Variants in RSPH10B observed in about 807,000 individuals in gnomAD.
RSPH10B encodes radial spoke head 10 homolog B.
In RSPH10B, 7 loss-of-function variants were observed where a neutral mutation model predicts 52.5. That is an observed-to-expected ratio of 0.13 (90% CI 0.08 to 0.25). The LOEUF is 0.25. RSPH10B is among the 10% of genes least tolerant of loss of function. The pLI is 1.00. For missense variants in RSPH10B, 89 were observed against 542.5 expected (o/e 0.16, Z 8.30); for synonymous variants, 28 against 193.2 (o/e 0.14, Z 7.09).
At chr7:5,942,926 A>ATTTTT (rs10616078) in intron 13 of RSPH10B, among the ~76,000 whole-genome samples, 10 of 141,044 alleles carry the variant, frequency 7.1e-5, no homozygotes, top group African/African-American at 2.3e-4. Context: ...ATATATATAT[A>ATTTTT]TTTTTTTTTA....
At chr7:5,961,518 T>A (rs1247196168) in intron 3 of RSPH10B, among the ~76,000 whole-genome samples, 54 of 85,920 alleles carry the variant, frequency 6.3e-4, no homozygotes, top group African/African-American at 2.3e-3. Flanking sequence ...TTTTTTTGTA[T>A]TTTTAGGAGA....
intron 17 of RSPH10B, 79 bp from the exon 20 acceptor site, chr7:5,928,473 A>G (rs1193242569): frequency 1.4e-5 from 22 of 1,570,356 alleles, no homozygotes; most frequent in Non-Finnish European, 1.7e-5. Context: ...TTCTCGTTCT[A>G]GCCTCCCTGG....
intron 7 of RSPH10B, among the ~76,000 whole-genome samples, chr7:5,955,090 G>T (rs547788751): frequency 7.2e-6 from 1 of 138,782 alleles, no homozygotes; most frequent in Admixed American, 7.2e-5. Flanking sequence ...ACTTGCGCCC[G>T]GGAGGCAGAG....
intron 3 of RSPH10B, among the ~76,000 whole-genome samples, chr7:5,961,533 G>C (rs1292262905): frequency 1.1e-5 from 1 of 87,324 alleles, no homozygotes; most frequent in African/African-American, 4.2e-5. Flanking sequence ...AGGAGAGACG[G>C]GGTTTTGCCA....
chr7:5,943,431 T>C, exon 13 of RSPH10B: 1 of 1,600,638 alleles, frequency 6.2e-7, no homozygotes, highest in Non-Finnish European at 8.5e-7. Flanking sequence ...TTCATGTAAC[T>C]CATAGAGTAG....
chr7:5,942,916 A>ATATATATTTAT (rs1780276485), intron 13 of RSPH10B, among the ~76,000 whole-genome samples: 1 of 119,160 alleles, frequency 8.4e-6, no homozygotes, highest in Non-Finnish European at 1.8e-5. Flanking sequence ...ATTTATTTAT[A>ATATATATTTAT]TATATATATA....
Position 5,943,455 on chromosome 7 carries a change from G to A in RSPH10B, c.1627C>T (p.Gln543Ter), listed in dbSNP as rs142698648. ...CTCATAGAGTAGAGCGTCCGCTGTTGCTCACGGAATAAATTGCCTAAAAAT... is the reference window on the plus strand; with the variant it reads ...CTCATAGAGTAGAGCGTCCGCTGTTACTCACGGAATAAATTGCCTAAAAAT... The change falls in exon 13 of 19, where the codon CAA becomes TAA. Residue 543 changes from glutamine (Q) to a stop codon, truncating the protein, a stop_gained. Coordinates refer to ENST00000337579, the Ensembl canonical transcript of RSPH10B. LOFTEE classifies it high-confidence loss of function. 1,229 of 1,584,478 alleles carry A rather than the reference G, an allele frequency of 7.8e-4. 39 individuals are homozygous for A. The African/African-American group carries it at 0.016, about 20-fold the overall frequency.
At chr7:5,927,074 G>GTGTATATATA (rs1562553356) in intron 18 of RSPH10B, among the ~76,000 whole-genome samples, 2,369 of 70,088 alleles carry the variant, frequency 0.034, 2 homozygotes, top group African/African-American at 0.063. Flanking sequence ...GTGTATATGT[G>GTGTATATATA]TGTGTGTGTG....
intron 13 of RSPH10B, among the ~76,000 whole-genome samples, chr7:5,940,923 A>AAATAAT (rs76986048): frequency 6.5e-5 from 5 of 77,216 alleles, no homozygotes; most frequent in African/African-American, 2.3e-4. Context: ...AAGACTGTCA[A>AAATAAT]AATAATAATA....
Position 5,926,178 on chromosome 7 carries a change from T to TG in RSPH10B, c.*189dup, listed in dbSNP as rs200746755. The TG allele has an allele frequency of 2.4e-3, 1,081 of 455,048 alleles. 2 individuals carry two copies. The highest frequency in any genetic ancestry group is 0.022 in the East Asian group (632 of 29,014). The allele number at this position is 455,048 out of a possible 1,614,324, so 28.2% of individuals were successfully genotyped here. On this transcript the variant is annotated 3_prime_UTR_variant, in exon 19 of 19. Transcript: ENST00000337579. ...GGCTGATGTTTTAATTTTGCAGAGA[T>TG]GGGGGGGTCTCACTATGTTGCCCAG...
rs1214446483 is a variant in RSPH10B at position 5,931,997 on chromosome 7, AAAAAGAAAAG to A, written c.2233+775_2233+784del. ...AAGTAAAACCCTGTCTCAAAAAAAG[AAAAAGAAAAG>A]AAAAGAAAAGGGGAAACACCAGGGC... On this transcript the variant is annotated intron_variant, in intron 17 of 18. Coordinates refer to ENST00000337579, the Ensembl canonical transcript of RSPH10B. Among the ~76,000 whole-genome samples the A allele has an allele frequency of 2.0e-5, 3 of 150,892 alleles. No individual in the cohort carries two copies. In the Admixed American group the frequency reaches 2.0e-4, roughly 10 times the overall value.
chr7:5,955,173 G>T (rs1177010127), intron 7 of RSPH10B, among the ~76,000 whole-genome samples: 14 of 127,440 alleles, frequency 1.1e-4, no homozygotes, highest in African/African-American at 3.3e-4. Context: ...TCAAAAAAAA[G>T]AAAAAAAAAG....
chr7:5,927,906 A>G, intron 18 of RSPH10B: 4 of 510,744 alleles, frequency 7.8e-6, no homozygotes, highest in Non-Finnish European at 1.4e-5. Flanking sequence ...ACCCCACTCT[A>G]GCCTGGGTGA....
intron 3 of RSPH10B, among the ~76,000 whole-genome samples, chr7:5,963,920 G>A (rs1781005284): frequency 2.2e-5 from 3 of 138,914 alleles, no homozygotes; most frequent in Non-Finnish European, 4.8e-5. Context: ...AAAAAAAAAA[G>A]TAAAAATAAA....
intron 18 of RSPH10B, among the ~76,000 whole-genome samples, chr7:5,927,541 A>C (rs1352768174): frequency 8.8e-5 from 11 of 125,698 alleles, no homozygotes; most frequent in African/African-American, 3.8e-4. Context: ...CCTGGCAACC[A>C]GCTCCAGCGA....
At chr7:5,931,991 AAAAAGAAAAAG>A (rs1180827300) in intron 17 of RSPH10B, among the ~76,000 whole-genome samples, 2 of 150,278 alleles carry the variant, frequency 1.3e-5, no homozygotes, top group Non-Finnish European at 3.0e-5. Context: ...CCTGTCTCAA[AAAAAGAAAAAG>A]AAAAGAAAAG....
At chr7:5,954,090 G>A (rs545889155) in intron 7 of RSPH10B, among the ~76,000 whole-genome samples, 2 of 104,870 alleles carry the variant, frequency 1.9e-5, no homozygotes, top group South Asian at 4.2e-4. Flanking sequence ...TGATCCATCC[G>A]CCTCAGCCTC....
At chr7:5,964,293 A>G (rs1481104381) in intron 3 of RSPH10B, among the ~76,000 whole-genome samples, 1 of 150,382 alleles carries the variant, frequency 6.6e-6, no homozygotes, top group East Asian at 1.9e-4. Flanking sequence ...CTTAGAACAC[A>G]TAGAATACCT....
At chr7:5,927,070 A>ATTGTGTGTGTGTGTGTG (rs1554284566) in intron 18 of RSPH10B, among the ~76,000 whole-genome samples, 1 of 110,692 alleles carries the variant, frequency 9.0e-6, no homozygotes, top group African/African-American at 3.3e-5. Context: ...GTGTGTGTAT[A>ATTGTGTGTGTGTGTGTG]TGTGTGTGTG....
Sources: allele counts gnomAD v4.1 joint callset (sites outside exome capture counted in the v4.1 genomes callset), GRCh38; gene constraint gnomAD v4.1.1; transcripts MANE v1.5; gene names NCBI Gene and HGNC (gene_info 2026-07-23, HGNC 2026-07-21).